The following AGAP1 variants were observed in gnomAD, a reference collection of about 807,000 sequenced individuals.
The protein encoded by AGAP1 is ArfGAP with GTPase domain, ankyrin repeat and PH domain 1.
Under a neutral mutation model 105.3 loss-of-function variants are expected in AGAP1, and 29 were observed. The ratio of observed to expected loss-of-function variants is 0.28; its 90% CI spans 0.21 to 0.38. AGAP1 has a LOEUF of 0.38. Among genes scored for constraint, AGAP1 ranks in the 10% least tolerant of loss-of-function variants. The pLI is 1.00. For synonymous variants in AGAP1, 509 were observed against 485.9 expected (o/e 1.05, Z -0.63); for missense variants, 998 against 1,165.1 (o/e 0.86, Z 2.09).
At chr2:235,939,415 C>T (rs1034018769) in intron 12 of AGAP1, among the ~76,000 whole-genome samples, 1 of 152,124 alleles carries the variant, frequency 6.6e-6, no homozygotes, top group Admixed American at 6.5e-5. Context: ...ACTCTGCTTC[C>T]GCGGACACCC....
Position 235,693,707 on chromosome 2 carries a change from T to C in AGAP1, c.164-15472T>C, listed in dbSNP as rs1949855398. Among the ~76,000 whole-genome samples, 2 of 152,058 alleles carry C rather than the reference T, an allele frequency of 1.3e-5. 1 individual carries two copies. The highest frequency in any genetic ancestry group is 2.9e-5 in the Non-Finnish European group (2 of 68,016). ...CGTCTCCAAAAAACCCCACAAAACATTAGAAGTAGTAGTACTTGCTATTCT... is the reference window on the plus strand; with the variant it reads ...CGTCTCCAAAAAACCCCACAAAACACTAGAAGTAGTAGTACTTGCTATTCT... On this transcript the variant is annotated intron_variant, in intron 1 of 17. Coordinates refer to ENST00000304032, the MANE Select transcript of AGAP1 (RefSeq NM_001037131.3).
At position 235,830,898 on chromosome 2, in the gene AGAP1, A is replaced by G. The variant is rs1959273416; in HGVS notation, c.1050+23567A>G. Among the ~76,000 whole-genome samples, 3 of 152,362 alleles carry G rather than the reference A, an allele frequency of 2.0e-5. No homozygotes were observed. Among genetic ancestry groups the G allele is most frequent in the South Asian group, 2.1e-4 (1 of 4,826 alleles). On this transcript the variant is annotated intron_variant, in intron 9 of 17. Transcript: ENST00000304032. This position sits in a 1 kb window ranked among gnomAD's most constrained non-coding sequence, Gnocchi z 5.5. ...AGTTATTAGCTGGTTAGTTGTCTGCAGCTAAGCAGGAATGGGACTGGATGG... is the reference window on the plus strand; with the variant it reads ...AGTTATTAGCTGGTTAGTTGTCTGCGGCTAAGCAGGAATGGGACTGGATGG...
At position 235,596,877 on chromosome 2, in the gene AGAP1, C is replaced by A. The variant is rs920005425; in HGVS notation, c.163+102028C>A. The stretch of plus-strand genomic sequence containing the variant: ...CATGGGAGTGGACCCCTTGTGGTGG[C>A]ACGAATGCCCCTCAGGAGCGCTTGC... On this transcript the variant is annotated intron_variant, in intron 1 of 17. Transcript: ENST00000304032. This position sits in a 1 kb window ranked among gnomAD's most constrained non-coding sequence, Gnocchi z 5.9. 6.6e-6 allele frequency among the ~76,000 whole-genome samples: 1 copy of A among 152,058 alleles called. No individual in the cohort carries two copies. The highest frequency in any genetic ancestry group is 2.4e-5 in the African/African-American group (1 of 41,404).
At chr2:235,756,173 T>A (rs1287552414) in intron 6 of AGAP1, among the ~76,000 whole-genome samples, 2 of 152,210 alleles carry the variant, frequency 1.3e-5, no homozygotes, top group Non-Finnish European at 2.9e-5. Context: ...CTTCAAATGC[T>A]TTGAGTTTCT....
chr2:236,062,065 G>A lies in AGAP1; in HGVS notation c.2114+12784G>A, dbSNP rs2058212099. Among the ~76,000 whole-genome samples, 1 of 152,134 alleles carries A rather than the reference G, an allele frequency of 6.6e-6. No individual in the cohort carries two copies. The highest frequency in any genetic ancestry group is 2.4e-5 in the African/African-American group (1 of 41,418). On this transcript the variant is annotated intron_variant, in intron 16 of 17. Transcript: ENST00000304032. This position sits in a 1 kb window ranked among gnomAD's most constrained non-coding sequence, Gnocchi z 4.2. ...GGGAGTAGAGCTCTGAGCAGGATGT[G>A]CACTGCAGCCAAATTCCTGCCCTGC... is the stretch of plus-strand genomic sequence containing the variant.
rs2050131797 is a variant in AGAP1, at chr2:235,883,530, C to T, written c.1155+81C>T. ...GGGGAAGGGGAACCTACCAGCAGCC[C>T]AGCCTCTTGTCTCTGTTTGAAGTGA... On this transcript the variant is annotated intron_variant, in intron 10 of 17. Coordinates refer to ENST00000304032, the MANE Select transcript of AGAP1 (RefSeq NM_001037131.3). This position sits in a 1 kb window ranked among gnomAD's most constrained non-coding sequence, Gnocchi z 4.5. 1 of 1,141,172 alleles carries T rather than the reference C, an allele frequency of 8.8e-7. No homozygotes were observed. The highest frequency in any genetic ancestry group is 1.3e-6 in the Non-Finnish European group (1 of 773,212). 70.7% of individuals were successfully genotyped at this position (1,141,172 alleles called of 1,614,324 possible).
intron 1 of AGAP1, among the ~76,000 whole-genome samples, chr2:235,651,494 A>G (rs1947592326): frequency 6.6e-6 from 1 of 152,226 alleles, no homozygotes; most frequent in South Asian, 2.1e-4. Flanking sequence ...AAAAACATGA[A>G]GATTCCCATA....
At chr2:235,944,665 T>C (rs996917223) in intron 12 of AGAP1, among the ~76,000 whole-genome samples, 21 of 152,324 alleles carry the variant, frequency 1.4e-4, no homozygotes, top group African/African-American at 4.8e-4. Flanking sequence ...TGGCTGACTG[T>C]GTGTCCAGAG....
chr2:236,060,915 T>C (rs2058175966), intron 16 of AGAP1, among the ~76,000 whole-genome samples: 1 of 151,332 alleles, frequency 6.6e-6, no homozygotes, highest in Non-Finnish European at 1.5e-5. Context: ...TTTTAAAAAT[T>C]AGCTGGGCAC....
rs1450434167 is a variant in AGAP1 at position 235,739,458 on chromosome 2, C to T, written c.311-1505C>T. On this transcript the variant is annotated intron_variant, in intron 3 of 17. Transcript: ENST00000304032. This position sits in a 1 kb window ranked among gnomAD's most constrained non-coding sequence, Gnocchi z 5.3. ...GGCCTGACTGGCCTGGATGTGTCCC[C>T]TGCTAACGGGCCTCAGCCTGACCAT... Among the ~76,000 whole-genome samples the T allele has an allele frequency of 6.6e-6, 1 of 152,246 alleles. No homozygotes were observed. Among genetic ancestry groups the T allele is most frequent in the Non-Finnish European group, 1.5e-5 (1 of 68,044 alleles).
intron 16 of AGAP1, among the ~76,000 whole-genome samples, chr2:236,108,807 G>A (rs911760787): frequency 1.3e-5 from 2 of 151,896 alleles, no homozygotes; most frequent in Non-Finnish European, 2.9e-5. Context: ...CACACACAGC[G>A]GCCCCTGTGA....
In AGAP1 at chr2:235,988,748, T is replaced by A. The variant is rs1434435160; in HGVS notation, c.1645+20125T>A. Among the ~76,000 whole-genome samples, 1 of 152,196 alleles carries A rather than the reference T, an allele frequency of 6.6e-6. No individual in the cohort carries two copies. Among genetic ancestry groups the A allele is most frequent in the Non-Finnish European group, 1.5e-5 (1 of 68,036 alleles). ...CTCTGGCCAAGACGAGCTCTCAGAT[T>A]GCACTTCAGAATCGGTGATGCGCAC... On this transcript the variant is annotated intron_variant, in intron 13 of 17. Transcript: ENST00000304032. This position sits in a 1 kb window ranked among gnomAD's most constrained non-coding sequence, Gnocchi z 4.7.
chr2:235,784,474 TC>T (rs1270932854), intron 6 of AGAP1, among the ~76,000 whole-genome samples: 2 of 152,096 alleles, frequency 1.3e-5, no homozygotes, highest in Non-Finnish European at 2.9e-5. Flanking sequence ...AAATGTGAAA[TC>T]TTGATCGGAG....
In AGAP1 at chr2:236,085,210, C is replaced by G. The variant is rs1354557805; in HGVS notation, c.2115-34982C>G. Among the ~76,000 whole-genome samples the G allele has an allele frequency of 6.4e-5, 8 of 124,850 alleles. 1 individual carries two copies. The South Asian group carries it at 2.0e-3, about 32-fold the overall frequency. The allele number at this position is 124,850 out of a possible 152,430, so 81.9% of individuals were successfully genotyped here. ...CAGCCTGGGCGACAGAACGAGACTC[C>G]GTCTCAAAAAAAAAAAAAAAAAAAA... On this transcript the variant is annotated intron_variant, in intron 16 of 17. Coordinates refer to ENST00000304032, the MANE Select transcript of AGAP1 (RefSeq NM_001037131.3).
At chr2:236,021,588 T>C (rs1046288212) in intron 13 of AGAP1, among the ~76,000 whole-genome samples, 21 of 152,326 alleles carry the variant, frequency 1.4e-4, no homozygotes, top group Admixed American at 1.4e-3. Flanking sequence ...CTATCGTTGC[T>C]TTGTCTTTCT....
Position 235,741,701 on chromosome 2 carries a change from G to A in AGAP1, c.396+653G>A, listed in dbSNP as rs1016411871. On this transcript the variant is annotated intron_variant, in intron 4 of 17. Transcript: ENST00000304032. The surrounding 1 kb of genome is among the most constrained non-coding windows in gnomAD (Gnocchi z 4.9). ...ACCAGTTAAGCACTTTATTATTATT[G>A]TTATTATTATTATTGTTGTTGTTGT... Among the ~76,000 whole-genome samples the A allele has an allele frequency of 6.7e-6, 1 of 150,194 alleles. No homozygotes were observed. Among genetic ancestry groups the A allele is most frequent in the African/African-American group, 2.4e-5 (1 of 41,000 alleles).
chr2:236,108,559 T>G (rs930106844), intron 16 of AGAP1, among the ~76,000 whole-genome samples: 2 of 152,196 alleles, frequency 1.3e-5, no homozygotes, highest in Non-Finnish European at 1.5e-5. Flanking sequence ...AAGGAAAGAC[T>G]GTGACAAGTG....
intron 16 of AGAP1, among the ~76,000 whole-genome samples, chr2:236,106,392 C>G (rs574310881): frequency 6.6e-6 from 1 of 152,238 alleles, no homozygotes; most frequent in Non-Finnish European, 1.5e-5. Flanking sequence ...TGTGCAGGCA[C>G]TGCGGCAGCG....
intron 1 of AGAP1, among the ~76,000 whole-genome samples, chr2:235,594,025 T>C (rs1220589966): frequency 2.6e-5 from 4 of 152,086 alleles, no homozygotes; most frequent in Non-Finnish European, 5.9e-5. Flanking sequence ...AAGGTGAATT[T>C]GAGAGTATAC....
Sources: gnomAD v4.1 joint callset for allele counts (sites outside exome capture counted in the v4.1 genomes callset) on GRCh38, gnomAD v4.1.1 for gene constraint, Gnocchi (gnomAD v3.1) non-coding constraint, MANE v1.5 for transcripts, NCBI Gene and HGNC (gene_info 2026-07-23, HGNC 2026-07-21) for gene names.